THAP5: variants seen among roughly 807,000 people sequenced by gnomAD.
THAP5 encodes THAP domain containing 5, also known as THAP domain-containing protein 5.
A neutral mutation model predicts 34.0 loss-of-function variants in THAP5; 26 were observed. The observed-to-expected ratio is 0.77, with a 90% CI of 0.56 to 1.06. The LOEUF (loss-of-function observed/expected upper bound fraction) is 1.06, where lower values mean the gene tolerates loss of function less well. THAP5 is among the 50% of genes least tolerant of loss of function. The pLI is 0.00. For synonymous variants in THAP5, 125 were observed against 153.0 expected (o/e 0.82, Z 1.35); for missense variants, 394 against 452.8 (o/e 0.87, Z 1.18).
rs1468050119 is a variant in THAP5, at chr7:108,563,224, C to T, written c.*967G>A. On this transcript the variant is annotated 3_prime_UTR_variant, in exon 3 of 3. Coordinates refer to ENST00000415914, the MANE Select transcript of THAP5 (RefSeq NM_001130475.3). The stretch of plus-strand genomic sequence containing the variant: ...TAATGGGTGGTTCCTTAGTTTAGTT[C>T]AACTGGAATAAAATTATAAAAGTTC... The T allele has an allele frequency of 1.3e-5, 2 of 151,966 alleles. No homozygotes were observed. Among genetic ancestry groups the T allele is most frequent in the Admixed American group, 1.3e-4 (2 of 15,240 alleles). 9.4% of individuals were successfully genotyped at this position (151,966 alleles called of 1,614,324 possible).
rs541907554 is a variant in THAP5 at position 108,569,056 on chromosome 7, C to A, written c.80+434G>T. ...ACCTAATCATTCCGGGCCTCAGTTT[C>A]CTCAGGAGAAAAGTGGGATGAAATT... is the stretch of plus-strand genomic sequence containing the variant. On this transcript the variant is annotated intron_variant, in intron 1 of 2. Coordinates refer to ENST00000415914, the MANE Select transcript of THAP5 (RefSeq NM_001130475.3). 1.2e-4 allele frequency: 119 copies of A among 994,434 alleles called. No homozygotes were observed. The African/African-American group carries it at 1.9e-3, about 16-fold the overall frequency. The allele number at this position is 994,434 out of a possible 1,614,324, so 61.6% of individuals were successfully genotyped here.
rs1406398202 is a variant in THAP5, at chr7:108,569,517, T to C, written c.53A>G (p.Asn18Ser). 1 of 1,551,816 alleles carries C rather than the reference T, an allele frequency of 6.4e-7. No homozygotes were observed. The highest frequency in any genetic ancestry group is 8.7e-7 in the Non-Finnish European group (1 of 1,147,006). Reference protein sequence around the residue: ...ICCKNRRGRNNKDRKLSFYPF... With the variant: ...ICCKNRRGRNSKDRKLSFYPF... ...ATAAAAACTCAGCTTCCGGTCTTTA[T>C]TGTTTCGTCCCCGGCGGTTCTTACA... Residue 18 changes from asparagine (N) to serine (S), a missense_variant, in exon 1 of 3, where the codon AAT (asparagine) becomes AGT (serine). By Grantham distance (46) the Asn-to-Ser change is conservative (BLOSUM62 1). Transcript: ENST00000415914.
chr7:108,542,078 A>C, the THAP5 span, among the ~76,000 whole-genome samples: 1 of 152,204 alleles, frequency 6.6e-6, no homozygotes, highest in Admixed American at 6.5e-5. Flanking sequence ...ATTCAAACAA[A>C]TGTTTTGGCA....
intron 2 of THAP5, 80 bp from the exon 3 acceptor site, chr7:108,565,185 G>A: frequency 1.7e-6 from 2 of 1,171,996 alleles, no homozygotes; most frequent in Non-Finnish European, 2.3e-6. Context: ...TTATAATATT[G>A]AGTAGTACAC....
chr7:108,542,894 T>G, the THAP5 span, among the ~76,000 whole-genome samples: 1 of 152,086 alleles, frequency 6.6e-6, no homozygotes, highest in Non-Finnish European at 1.5e-5. Context: ...GCTAGAAGAC[T>G]AGGCTCAAAA....
At chr7:108,552,359 T>G (rs1864359060), downstream of THAP5, among the ~76,000 whole-genome samples, 2 of 152,228 alleles carry the variant, frequency 1.3e-5, no homozygotes, top group Admixed American at 6.5e-5. Flanking sequence ...TAATAATAAC[T>G]GGGTTTACTT....
chr7:108,551,487 G>A (rs2154517812), downstream of THAP5, among the ~76,000 whole-genome samples: 1 of 152,254 alleles, frequency 6.6e-6, no homozygotes, highest in East Asian at 1.9e-4. Flanking sequence ...CCTTAATTTT[G>A]GACTTTTCAG....
At chr7:108,547,319 A>G in the THAP5 span, among the ~76,000 whole-genome samples, 5 of 152,332 alleles carry the variant, frequency 3.3e-5, no homozygotes, top group Admixed American at 6.5e-5. Flanking sequence ...AGCAAGCTCA[A>G]TGAAATTAAC....
At chr7:108,561,533 T>C (rs1276276205), downstream of THAP5, among the ~76,000 whole-genome samples, 1 of 151,132 alleles carries the variant, frequency 6.6e-6, no homozygotes, top group African/African-American at 2.4e-5. Flanking sequence ...CCTCCCAAAG[T>C]GCTGGGGTAA....
chr7:108,551,090 G>C (rs1015867174), downstream of THAP5, among the ~76,000 whole-genome samples: 1 of 152,132 alleles, frequency 6.6e-6, no homozygotes, highest in Admixed American at 6.5e-5. Context: ...TTTCAGAAAT[G>C]CAATATAGCC....
At chr7:108,560,880 A>C (rs1222145281), downstream of THAP5, among the ~76,000 whole-genome samples, 1 of 152,122 alleles carries the variant, frequency 6.6e-6, no homozygotes, top group Non-Finnish European at 1.5e-5. Flanking sequence ...TAGGACTAAA[A>C]GCACCGACTA....
At chr7:108,552,768 C>A (rs984132286), downstream of THAP5, among the ~76,000 whole-genome samples, 1 of 150,866 alleles carries the variant, frequency 6.6e-6, no homozygotes, top group South Asian at 2.1e-4. Flanking sequence ...CTATTGCACT[C>A]CAGCCTGGGT....
At chr7:108,561,684 G>A (rs544733833), downstream of THAP5, among the ~76,000 whole-genome samples, 1 of 152,258 alleles carries the variant, frequency 6.6e-6, no homozygotes. Context: ...CAGAATTTGA[G>A]TGTGGGGTTA....
At position 108,565,848 on chromosome 7, in the gene THAP5, A is replaced by C. The variant is rs947956452; in HGVS notation, c.255T>G (p.Ser85=). 1 of 1,545,802 alleles carries C rather than the reference A, an allele frequency of 6.5e-7. No homozygotes were observed. The highest frequency in any genetic ancestry group is 1.4e-5 in the African/African-American group (1 of 72,688). Reference sequence around the variant, plus strand: ...GCAATACCTGATTGTCTTCAGGCAAAGAAAATATTGTTGGAACTGCAGTTT... The same window carrying C: ...GCAATACCTGATTGTCTTCAGGCAACGAAAATATTGTTGGAACTGCAGTTT... ...LKQTAVPTIF[S]LPEDNQGKDP... The change falls in exon 2 of 3, where the codon TCT becomes TCG. Residue 85 remains serine, a synonymous_variant. Coordinates refer to ENST00000415914, the MANE Select transcript of THAP5 (RefSeq NM_001130475.3).
In THAP5 at chr7:108,564,073, A is replaced by G; in HGVS notation, c.*118T>C. ...ATAGGATACAGTTCATAACTTTACAACACTCTCATAGGTTCATTAAGATGA... is the reference window on the plus strand; with the variant it reads ...ATAGGATACAGTTCATAACTTTACAGCACTCTCATAGGTTCATTAAGATGA... On this transcript the variant is annotated 3_prime_UTR_variant, in exon 3 of 3. Coordinates refer to ENST00000415914, the MANE Select transcript of THAP5 (RefSeq NM_001130475.3). 1 of 793,410 alleles carries G rather than the reference A, an allele frequency of 1.3e-6. No homozygotes were observed. Among genetic ancestry groups the G allele is most frequent in the Non-Finnish European group, 1.9e-6 (1 of 515,550 alleles). 49.1% of individuals were successfully genotyped at this position (793,410 alleles called of 1,614,324 possible). A position where few individuals can be genotyped will look rare whatever the true frequency, so the allele number is the denominator to read the frequency against.
the THAP5 span, among the ~76,000 whole-genome samples, chr7:108,548,804 A>T: frequency 6.6e-6 from 1 of 152,060 alleles, no homozygotes; most frequent in African/African-American, 2.4e-5. Context: ...ATTACCTCCC[A>T]CTGGTCCCAC....
chr7:108,569,294 C>T (rs765757218), intron 1 of THAP5, 196 bp downstream of exon 1: 7 of 1,440,132 alleles, frequency 4.9e-6, no homozygotes, highest in Non-Finnish European at 6.4e-6. Flanking sequence ...TCGCCACCAG[C>T]CAGCAGTCCT....
upstream of THAP5, chr7:108,569,720 C>A: frequency 9.8e-7 from 1 of 1,015,814 alleles, no homozygotes; most frequent in Non-Finnish European, 1.4e-6. Flanking sequence ...GACTCACTTC[C>A]GCCTCCTCCG....
downstream of THAP5, among the ~76,000 whole-genome samples, chr7:108,561,657 A>G (rs1864432348): frequency 6.6e-6 from 1 of 152,022 alleles, no homozygotes; most frequent in Non-Finnish European, 1.5e-5. Flanking sequence ...GCAGGAAAGG[A>G]AGGGAGGAGT....
Sources: gnomAD v4.1 joint callset for allele counts (sites outside exome capture counted in the v4.1 genomes callset) on GRCh38, gnomAD v4.1.1 for gene constraint, MANE v1.5 for transcripts, NCBI Gene and HGNC (gene_info 2026-07-23, HGNC 2026-07-21) for gene names.